TRABD2B: variants seen among roughly 807,000 people sequenced by gnomAD.
TRABD2B encodes TraB domain containing 2B.
A neutral mutation model predicts 40.1 loss-of-function variants in TRABD2B; 14 were observed. That is an observed-to-expected ratio of 0.35 (90% CI 0.23 to 0.55). The LOEUF (loss-of-function observed/expected upper bound fraction) is 0.55, where lower values mean the gene tolerates loss of function less well. Among genes scored for constraint, TRABD2B ranks in the 20% least tolerant of loss-of-function variants. TRABD2B has a pLI of 0.90. For missense variants in TRABD2B, 541 were observed against 648.6 expected (o/e 0.83, Z 1.80); for synonymous variants, 263 against 277.0 (o/e 0.95, Z 0.50).
At chr1:47,961,781 C>T (rs1419226453) in intron 2 of TRABD2B, among the ~76,000 whole-genome samples, 1 of 152,226 alleles carries the variant, frequency 6.6e-6, no homozygotes, top group Non-Finnish European at 1.5e-5. Flanking sequence ...CAAACTAGTT[C>T]AACCACTGTG....
At chr1:47,993,608 A>G (rs1178727539) in intron 2 of TRABD2B, among the ~76,000 whole-genome samples, 2 of 152,098 alleles carry the variant, frequency 1.3e-5, no homozygotes, top group Non-Finnish European at 2.9e-5. Context: ...CCTGGGAGCC[A>G]TGCCTTCCTC....
At chr1:47,900,945 G>A (rs1038243714) in intron 2 of TRABD2B, among the ~76,000 whole-genome samples, 4 of 152,082 alleles carry the variant, frequency 2.6e-5, no homozygotes, top group African/African-American at 4.8e-5. Context: ...GTAAGGAGAC[G>A]GATTTGAAGG....
rs80148399 is a variant in TRABD2B at position 47,990,638 on chromosome 1, G to C, written c.666+3396C>G. ...TTAACCCATCAACAACCTCCCACAG[G>C]TAGTATCTTCTCATGTCCCCACAAA... is the stretch of plus-strand genomic sequence containing the variant. On this transcript the variant is annotated intron_variant, in intron 2 of 6. Coordinates refer to ENST00000606738, the MANE Select transcript of TRABD2B (RefSeq NM_001194986.2). Among the ~76,000 whole-genome samples, 1,345 of 150,998 alleles carry C rather than the reference G, an allele frequency of 8.9e-3. 27 individuals are homozygous for C. The highest frequency in any genetic ancestry group is 0.031 in the African/African-American group (1,283 of 41,138).
At chr1:47,893,930 T>G (rs1422822095) in intron 2 of TRABD2B, among the ~76,000 whole-genome samples, 1 of 152,156 alleles carries the variant, frequency 6.6e-6, no homozygotes, top group African/African-American at 2.4e-5. Flanking sequence ...ACAATGCTCT[T>G]CCAGGCCTGG....
At chr1:47,863,195 A>G (rs1643999409) in intron 2 of TRABD2B, among the ~76,000 whole-genome samples, 1 of 151,628 alleles carries the variant, frequency 6.6e-6, no homozygotes, top group African/African-American at 2.4e-5. Context: ...TGATCCATGA[A>G]AGAAAGAATT....
intron 2 of TRABD2B, among the ~76,000 whole-genome samples, chr1:47,948,007 C>CA (rs1410719556): frequency 6.6e-6 from 1 of 152,112 alleles, no homozygotes; most frequent in African/African-American, 2.4e-5. Context: ...ATAAGTACCC[C>CA]AAAAGGCTCT....
chr1:47,859,989 G>C (rs902799224), intron 2 of TRABD2B, among the ~76,000 whole-genome samples: 1 of 152,180 alleles, frequency 6.6e-6, no homozygotes, highest in African/African-American at 2.4e-5. Flanking sequence ...CACCCAACTG[G>C]AGATGCAGTG....
chr1:47,893,388 A>G (rs1644476373), intron 2 of TRABD2B, among the ~76,000 whole-genome samples: 1 of 152,190 alleles, frequency 6.6e-6, no homozygotes, highest in Non-Finnish European at 1.5e-5. Context: ...ACATCCTTTG[A>G]GATCAGACTT....
intron 2 of TRABD2B, among the ~76,000 whole-genome samples, chr1:47,925,844 GTC>G (rs1245614296): frequency 2.0e-5 from 3 of 152,228 alleles, no homozygotes; most frequent in Admixed American, 6.5e-5. Context: ...TGTCTGAAAA[GTC>G]TAAGCTGCCA....
At chr1:47,981,661 T>C (rs566843251) in intron 2 of TRABD2B, among the ~76,000 whole-genome samples, 1 of 152,302 alleles carries the variant, frequency 6.6e-6, no homozygotes, top group South Asian at 2.1e-4. Flanking sequence ...CACAATGTAG[T>C]TCCCAGCAGT....
At chr1:47,834,775 G>A (rs981330592) in intron 2 of TRABD2B, among the ~76,000 whole-genome samples, 50 of 152,116 alleles carry the variant, frequency 3.3e-4, no homozygotes, top group African/African-American at 1.1e-3. Flanking sequence ...AAACAGCAAA[G>A]GCAACAACAA....
chr1:47,961,147 C>T (rs1276581781), intron 2 of TRABD2B, among the ~76,000 whole-genome samples: 2 of 152,196 alleles, frequency 1.3e-5, no homozygotes, highest in African/African-American at 4.8e-5. Flanking sequence ...GCTGGGAAAA[C>T]TGGCTAGCCA....
intron 6 of TRABD2B, among the ~76,000 whole-genome samples, chr1:47,772,476 G>A (rs1245082454): frequency 6.6e-6 from 1 of 151,870 alleles, no homozygotes; most frequent in Admixed American, 6.6e-5. Context: ...CTGAGCAGCG[G>A]CGTGGGGGCA....
intron 2 of TRABD2B, among the ~76,000 whole-genome samples, chr1:47,961,738 A>T (rs1645519306): frequency 6.6e-6 from 1 of 152,212 alleles, no homozygotes; most frequent in South Asian, 2.1e-4. Context: ...GATGTGGAGA[A>T]ATAGGAACAC....
chr1:47,849,588 C>A (rs113513245), intron 2 of TRABD2B, among the ~76,000 whole-genome samples: 2 of 152,320 alleles, frequency 1.3e-5, no homozygotes, highest in African/African-American at 4.8e-5. Flanking sequence ...CCTCTCAAAG[C>A]CCCAGCTAGC....
At chr1:47,831,000 C>T (rs1308682801) in intron 2 of TRABD2B, among the ~76,000 whole-genome samples, 3 of 152,122 alleles carry the variant, frequency 2.0e-5, no homozygotes, top group African/African-American at 4.8e-5. Context: ...AAGGTGAAAG[C>T]GACCAGAGAG....
chr1:47,949,564 T>C (rs1645311289), intron 2 of TRABD2B, among the ~76,000 whole-genome samples: 1 of 151,876 alleles, frequency 6.6e-6, no homozygotes, highest in South Asian at 2.1e-4. Flanking sequence ...CGTGCCACCA[T>C]GGCCAGCTAA....
At chr1:47,982,197 G>A (rs1645850575) in intron 2 of TRABD2B, among the ~76,000 whole-genome samples, 1 of 152,202 alleles carries the variant, frequency 6.6e-6, no homozygotes, top group Non-Finnish European at 1.5e-5. Context: ...GATGCTCAGT[G>A]TGTGAGAGAC....
At chr1:47,982,973 A>C (rs1406693023) in intron 2 of TRABD2B, among the ~76,000 whole-genome samples, 2 of 152,190 alleles carry the variant, frequency 1.3e-5, no homozygotes, top group South Asian at 4.1e-4. Flanking sequence ...GTGGGTCAAC[A>C]AACATCACTG....
Sources: allele counts gnomAD v4.1 joint callset (sites outside exome capture counted in the v4.1 genomes callset), GRCh38; gene constraint gnomAD v4.1.1; transcripts MANE v1.5; gene names NCBI Gene and HGNC (gene_info 2026-07-23, HGNC 2026-07-21).